Variants in SLC35B3 observed in about 807,000 individuals in gnomAD.
SLC35B3 encodes the protein adenosine 3'-phospho 5'-phosphosulfate transporter 2.
SLC35B3 carries 35 observed loss-of-function variants against 44.1 expected under a neutral mutation model. The ratio of observed to expected loss-of-function variants is 0.79; its 90% CI spans 0.61 to 1.05. The LOEUF is 1.05. Among genes scored for constraint, SLC35B3 ranks in the 50% least tolerant of loss-of-function variants. The probability of loss-of-function intolerance (pLI) is 0.00; values close to 1 mark genes in which losing one functional copy is unlikely to be tolerated. For missense variants in SLC35B3, 414 were observed against 476.4 expected, an observed-to-expected ratio of 0.87 and a Z score of 1.22; for synonymous variants, 146 against 167.3, an observed-to-expected ratio of 0.87 and a Z score of 0.98.
At chr6:8,415,704 T>C (rs1762355628) in intron 9 of SLC35B3, among the ~76,000 whole-genome samples, 1 of 152,224 alleles carries the variant, frequency 6.6e-6, no homozygotes. Flanking sequence ...AAGAAGCTGT[T>C]CTGGAAACGT....
intron 10 of SLC35B3, among the ~76,000 whole-genome samples, chr6:8,414,585 T>A (rs1241919257): frequency 6.6e-6 from 1 of 152,164 alleles, no homozygotes; most frequent in South Asian, 2.1e-4. Context: ...AACGTACACA[T>A]CACTCATATT....
In SLC35B3 at chr6:8,413,453, G is replaced by T; in HGVS notation, c.*96C>A. 1 of 1,041,780 alleles carries T rather than the reference G, an allele frequency of 9.6e-7. No homozygotes were observed. Among genetic ancestry groups the T allele is most frequent in the Non-Finnish European group, 1.4e-6 (1 of 734,232 alleles). The allele number at this position is 1,041,780 out of a possible 1,614,324, so 64.5% of individuals were successfully genotyped here. A position where few individuals can be genotyped will look rare whatever the true frequency, so the allele number is the denominator to read the frequency against. On this transcript the variant is annotated 3_prime_UTR_variant, in exon 11 of 11. Coordinates refer to ENST00000644923, the MANE Select transcript of SLC35B3 (RefSeq NM_001370476.2). ...ATCTGTCCACAAATGGGATAGCAATGCCTCCAGATCCTTTGGTTTTTATCA... is the reference window on the plus strand; with the variant it reads ...ATCTGTCCACAAATGGGATAGCAATTCCTCCAGATCCTTTGGTTTTTATCA...
chr6:8,417,432 T>C lies in SLC35B3; in HGVS notation c.843A>G (p.Gly281=). Reference sequence around the variant, plus strand: ...CACAAAATGTTACTGCAGGGCCTAATCCACTAGTGCATGTCAATCCCAGTA... The same window carrying C: ...CACAAAATGTTACTGCAGGGCCTAACCCACTAGTGCATGTCAATCCCAGTA... Residue 281 remains glycine (G), a synonymous_variant, in exon 8 of 11, where the codon GGA becomes GGG. Transcript: ENST00000644923. The C allele has an allele frequency of 6.2e-7, 1 of 1,605,716 alleles. No homozygotes were observed. The highest frequency in any genetic ancestry group is 8.5e-7 in the Non-Finnish European group (1 of 1,175,930).
In SLC35B3 at chr6:8,434,332, G is replaced by A; in HGVS notation, c.3+53C>T. The A allele has an allele frequency of 1.3e-6, 2 of 1,554,264 alleles. No individual in the cohort carries two copies. The highest frequency in any genetic ancestry group is 1.8e-6 in the Non-Finnish European group (2 of 1,129,248). On this transcript the variant is annotated intron_variant, in intron 2 of 10. Transcript: ENST00000644923. The surrounding 1 kb of genome is among the most constrained non-coding windows in gnomAD (Gnocchi z 6.3). ...TACGGTGTCATTAACCTGAAAAAAC[G>A]TGATTTTAACTATACTTTGCCACAC...
rs115017115 is a variant in SLC35B3, at chr6:8,411,831, C to T, written c.*1718G>A. ...CCCCAAGAGCACTAAGCTTTTTAAA[C>T]CAGTATTATTTATATTGAAAACGAA... On this transcript the variant is annotated 3_prime_UTR_variant, in exon 11 of 11. Transcript: ENST00000644923. Among the ~76,000 whole-genome samples, 830 of 152,096 alleles carry T rather than the reference C, an allele frequency of 5.5e-3. 9 individuals are homozygous for T. Among genetic ancestry groups the T allele is most frequent in the Middle Eastern group, 0.017 (5 of 294 alleles).
chr6:8,421,850 G>A (rs539154673), intron 5 of SLC35B3, among the ~76,000 whole-genome samples: 7 of 152,272 alleles, frequency 4.6e-5, no homozygotes, highest in South Asian at 4.1e-4. Flanking sequence ...ACCTTTCCAC[G>A]TACTTTTGAA....
rs1764130759 is a variant in SLC35B3 at position 8,432,946 on chromosome 6, G to C, written c.3+1439C>G. Among the ~76,000 whole-genome samples the C allele has an allele frequency of 6.6e-6, 1 of 152,048 alleles. No homozygotes were observed. The highest frequency in any genetic ancestry group is 1.5e-5 in the Non-Finnish European group (1 of 68,006). On this transcript the variant is annotated intron_variant, in intron 2 of 10. Transcript: ENST00000644923. This position sits in a 1 kb window ranked among gnomAD's most constrained non-coding sequence, Gnocchi z 4.8. ...TCTGCTGGCACTTCATATTTAAAAT[G>C]GCCAAAGCTGATTATTTTCCCCTCA...
Position 8,420,911 on chromosome 6 carries a change from G to T in SLC35B3, c.575-83C>A. ...TTGCTCTATGTGTTAAGTAGAACAT[G>T]GATTTGTTTTTTTATATCCAATGCC... On this transcript the variant is annotated intron_variant, in intron 5 of 10. Transcript: ENST00000644923. The surrounding 1 kb of genome is among the most constrained non-coding windows in gnomAD (Gnocchi z 4.4). 1 of 1,099,216 alleles carries T rather than the reference G, an allele frequency of 9.1e-7. No homozygotes were observed. Among genetic ancestry groups the T allele is most frequent in the Non-Finnish European group, 1.3e-6 (1 of 765,470 alleles). 68.1% of individuals were successfully genotyped at this position (1,099,216 alleles called of 1,614,324 possible). A position where few individuals can be genotyped will look rare whatever the true frequency, so the allele number is the denominator to read the frequency against.
Position 8,419,383 on chromosome 6 carries a change from T to C in SLC35B3, c.780+197A>G, listed in dbSNP as rs147506858. On this transcript the variant is annotated intron_variant, in intron 7 of 10. Coordinates refer to ENST00000644923, the MANE Select transcript of SLC35B3 (RefSeq NM_001370476.2). The surrounding 1 kb of genome is among the most constrained non-coding windows in gnomAD (Gnocchi z 4.3). ...AAAACTAAATCAATGAGGAAAAAAT[T>C]TGTCAACTATGCAACAAGCGGTTAG... Among the ~76,000 whole-genome samples the C allele has an allele frequency of 1.6e-3, 244 of 152,172 alleles. 10 individuals carry two copies. In the East Asian group the frequency reaches 0.042, roughly 26 times the overall value.
In SLC35B3 at chr6:8,435,463, C is replaced by G; in HGVS notation, c.-164G>C. ...CCTCCTCTTCCTCCTCCTCCTCGCC[C>G]ACTCCTGCACTTTCCACCGCGGCGG... On this transcript the variant is annotated 5_prime_UTR_variant, in exon 1 of 11. Transcript: ENST00000644923. The surrounding 1 kb of genome is among the most constrained non-coding windows in gnomAD (Gnocchi z 5.5). 1 of 1,121,516 alleles carries G rather than the reference C, an allele frequency of 8.9e-7. No individual in the cohort carries two copies. The highest frequency in any genetic ancestry group is 1.2e-6 in the Non-Finnish European group (1 of 849,940). 69.5% of individuals were successfully genotyped at this position (1,121,516 alleles called of 1,614,324 possible).
At position 8,411,458 on chromosome 6, in the gene SLC35B3, A is replaced by G. The variant is rs949247034; in HGVS notation, c.*2091T>C. ...AATAAGGCTTTGATAAGTCAAATTT[A>G]TATTTTATCAAAGATTTGAGAAAGT... On this transcript the variant is annotated 3_prime_UTR_variant, in exon 11 of 11. Coordinates refer to ENST00000644923, the MANE Select transcript of SLC35B3 (RefSeq NM_001370476.2). Among the ~76,000 whole-genome samples the G allele has an allele frequency of 6.6e-6, 1 of 152,224 alleles. No individual in the cohort carries two copies. Among genetic ancestry groups the G allele is most frequent in the African/African-American group, 2.4e-5 (1 of 41,466 alleles).
At position 8,414,746 on chromosome 6, in the gene SLC35B3, T is replaced by C. The variant is rs141992694; in HGVS notation, c.1055+162A>G. Among the ~76,000 whole-genome samples the C allele has an allele frequency of 8.3e-3, 1,267 of 152,176 alleles. 19 individuals carry two copies. Among genetic ancestry groups the C allele is most frequent in the African/African-American group, 0.028 (1,178 of 41,510 alleles). ...TAAGAGATCAAGATGAAAAGGTTTC[T>C]TTATAAAGCATAACAGGAAAAAAAA... On this transcript the variant is annotated intron_variant, in intron 10 of 10. Transcript: ENST00000644923.
At position 8,420,869 on chromosome 6, in the gene SLC35B3, C is replaced by T; in HGVS notation, c.575-41G>A. The T allele has an allele frequency of 6.9e-7, 1 of 1,451,794 alleles. No homozygotes were observed. The highest frequency in any genetic ancestry group is 9.6e-7 in the Non-Finnish European group (1 of 1,045,768). The allele number at this position is 1,451,794 out of a possible 1,614,324, so 89.9% of individuals were successfully genotyped here. ...GTAAGTCCACTTCATTATGCAAATA[C>T]CCACCCAGCTTTATATTTGCTCTAT... On this transcript the variant is annotated intron_variant, in intron 5 of 10. Coordinates refer to ENST00000644923, the MANE Select transcript of SLC35B3 (RefSeq NM_001370476.2). The surrounding 1 kb of genome is among the most constrained non-coding windows in gnomAD (Gnocchi z 4.4).
chr6:8,413,597 G>C lies in SLC35B3; in HGVS notation c.1158C>G (p.Asn386Lys), dbSNP rs1561742269. Residue 386 changes from asparagine (N) to lysine (K), a missense_variant, in exon 11 of 11, where the codon AAC (asparagine) becomes AAG (lysine). By Grantham distance (94) the Asn-to-Lys change is moderately conservative. Transcript: ENST00000644923. ...TTGACTTTCTTGCTTCCACTGATTT[G>C]TTTATCAAATCATACAGTGATGGTA... 6.2e-7 allele frequency: 1 copy of C among 1,608,904 alleles called. No individual in the cohort carries two copies. Among genetic ancestry groups the C allele is most frequent in the African/African-American group, 1.3e-5 (1 of 74,884 alleles).
At chr6:8,435,547 T>C (rs1764428294), upstream of SLC35B3, 1 of 423,468 alleles carries the variant, frequency 2.4e-6, no homozygotes, top group Non-Finnish European at 4.2e-6. This position sits in a 1 kb window ranked among gnomAD's most constrained non-coding sequence, Gnocchi z 5.5. Flanking sequence ...CGCCTATGTG[T>C]CCCTGCGCGC....
Position 8,430,077 on chromosome 6 carries a change from G to A in SLC35B3, c.84C>T (p.Cys28=). ...ACTTGAGATCCATTGTTATTTTGCT[G>A]CATTCAATGCTTTCAGAGTTATTTT... The change falls in exon 3 of 11, where the codon TGC becomes TGT. Residue 28 remains cysteine (C), a synonymous_variant. It introduces an in-frame stop codon into an upstream open reading frame of the 5' UTR. Transcript: ENST00000644923. 1 of 1,613,512 alleles carries A rather than the reference G, an allele frequency of 6.2e-7. No homozygotes were observed. Among genetic ancestry groups the A allele is most frequent in the Non-Finnish European group, 8.5e-7 (1 of 1,179,686 alleles).
At chr6:8,415,748 T>A (rs1024132997) in intron 9 of SLC35B3, among the ~76,000 whole-genome samples, 2 of 152,184 alleles carry the variant, frequency 1.3e-5, no homozygotes, top group South Asian at 4.1e-4. Context: ...TGTTTTTTTC[T>A]TTCTATAGTA....
chr6:8,422,435 G>A, intron 5 of SLC35B3, 35 bp downstream of exon 4: 5 of 1,515,968 alleles, frequency 3.3e-6, no homozygotes, highest in Non-Finnish European at 3.6e-6. Context: ...TAGCCTATTA[G>A]TTTTAAATAG....
At chr6:8,425,289 C>T (rs367690792) in intron 4 of SLC35B3, among the ~76,000 whole-genome samples, 2 of 152,102 alleles carry the variant, frequency 1.3e-5, no homozygotes, top group South Asian at 2.1e-4. Context: ...AGCAATCTTA[C>T]CTTAGAAGGC....
Sources: allele counts gnomAD v4.1 joint callset (sites outside exome capture counted in the v4.1 genomes callset), GRCh38; gene constraint gnomAD v4.1.1; non-coding constraint Gnocchi (gnomAD v3.1); transcripts MANE v1.5; gene names NCBI Gene and HGNC (gene_info 2026-07-23, HGNC 2026-07-21).